Variants in MGMT observed in about 807,000 individuals in gnomAD.
MGMT encodes O-6-methylguanine-DNA methyltransferase.
In MGMT, 14 loss-of-function variants were observed where a neutral mutation model predicts 15.9. The observed-to-expected ratio is 0.88, with a 90% confidence interval of 0.58 to 1.37. The LOEUF (loss-of-function observed/expected upper bound fraction) is 1.37, where lower values mean the gene tolerates loss of function less well. Ranked by LOEUF, MGMT falls within the 40% of genes most tolerant of loss-of-function variation. MGMT has a pLI of 0.00. For synonymous variants in MGMT, 130 were observed against 118.2 expected, an observed-to-expected ratio of 1.10 and a Z score of -0.65; for missense variants, 282 against 268.1, an observed-to-expected ratio of 1.05 and a Z score of -0.36.
intron 3 of MGMT, among the ~76,000 whole-genome samples, chr10:129,747,938 G>C (rs965180858): frequency 2.6e-5 from 4 of 152,164 alleles, no homozygotes; most frequent in Non-Finnish European, 2.9e-5. Flanking sequence ...AAACCACATA[G>C]GTAAGCTGTC....
intron 2 of MGMT, among the ~76,000 whole-genome samples, chr10:129,593,829 C>T (rs141562317): frequency 8.5e-5 from 13 of 152,292 alleles, no homozygotes; most frequent in South Asian, 6.2e-4. Context: ...GGCAGTGAGG[C>T]GAACAGTGCT....
At chr10:129,732,994 T>A (rs2133164299) in intron 3 of MGMT, among the ~76,000 whole-genome samples, 1 of 151,946 alleles carries the variant, frequency 6.6e-6, no homozygotes, top group African/African-American at 2.4e-5. Context: ...TCTTTGCTAT[T>A]GTAAATAATG....
intron 2 of MGMT, among the ~76,000 whole-genome samples, chr10:129,654,019 C>T (rs536192883): frequency 4.6e-5 from 7 of 152,238 alleles, no homozygotes; most frequent in African/African-American, 1.4e-4. Flanking sequence ...GACAAGACTG[C>T]GGCCTGTGCT....
intron 1 of MGMT, among the ~76,000 whole-genome samples, chr10:129,513,783 A>C (rs1845709293): frequency 6.6e-6 from 1 of 152,182 alleles, no homozygotes; most frequent in South Asian, 2.1e-4. Flanking sequence ...AGGATGTTGG[A>C]GCGTCTTTTC....
chr10:129,573,579 A>G (rs560525443), intron 2 of MGMT, among the ~76,000 whole-genome samples: 1 of 152,078 alleles, frequency 6.6e-6, no homozygotes, highest in African/African-American at 2.4e-5. Context: ...GTTGTTTTTC[A>G]TATTTTCATC....
chr10:129,699,429 G>C (rs1156605707), intron 2 of MGMT, among the ~76,000 whole-genome samples: 2 of 152,094 alleles, frequency 1.3e-5, no homozygotes, highest in Non-Finnish European at 2.9e-5. Context: ...TTGAGCCCCA[G>C]ATATTGAGGG....
At chr10:129,554,217 G>T (rs535020791) in intron 2 of MGMT, among the ~76,000 whole-genome samples, 1 of 152,220 alleles carries the variant, frequency 6.6e-6, no homozygotes, top group Non-Finnish European at 1.5e-5. Context: ...AGGTGATGAC[G>T]GGTCATACGC....
chr10:129,547,335 A>G (rs1846108158), intron 2 of MGMT, among the ~76,000 whole-genome samples: 3 of 152,068 alleles, frequency 2.0e-5, no homozygotes, highest in Admixed American at 1.3e-4. Flanking sequence ...CCCTCTGTCC[A>G]TACACATCGG....
intron 2 of MGMT, among the ~76,000 whole-genome samples, chr10:129,706,578 G>A (rs1848165306): frequency 6.6e-6 from 1 of 152,170 alleles, no homozygotes; most frequent in African/African-American, 2.4e-5. Flanking sequence ...CGTGCTCCAA[G>A]CCTGGGAAGT....
chr10:129,753,186 G>A (rs981213345), intron 3 of MGMT, among the ~76,000 whole-genome samples: 5 of 152,146 alleles, frequency 3.3e-5, no homozygotes, highest in South Asian at 2.1e-4. Context: ...TTTCTGATGA[G>A]AATTCCACAT....
At chr10:129,697,682 C>T (rs560248306) in intron 2 of MGMT, among the ~76,000 whole-genome samples, 1 of 152,132 alleles carries the variant, frequency 6.6e-6, no homozygotes, top group Non-Finnish European at 1.5e-5. Flanking sequence ...GTTCATGTAC[C>T]CCTGCCCAAG....
chr10:129,561,961 C>G (rs1846285393), intron 2 of MGMT, among the ~76,000 whole-genome samples: 1 of 152,148 alleles, frequency 6.6e-6, no homozygotes, highest in South Asian at 2.1e-4. Context: ...TTGTAATGAG[C>G]TGTATAATAT....
Position 129,630,830 on chromosome 10 carries a change from C to T in MGMT, c.126-77065C>T, listed in dbSNP as rs530850637. Among the ~76,000 whole-genome samples, 185 of 152,338 alleles carry T rather than the reference C, an allele frequency of 1.2e-3. 1 individual carries two copies. The highest frequency in any genetic ancestry group is 4.3e-3 in the African/African-American group (177 of 41,580). On this transcript the variant is annotated intron_variant, in intron 2 of 4. Coordinates refer to ENST00000651593, the MANE Select transcript of MGMT (RefSeq NM_002412.5). ...TTTGTGAATTATTTCATTGCACTAA[C>T]GTGCTCCTACTGAAAAACATGGCCA...
At position 129,570,366 on chromosome 10, in the gene MGMT, A is replaced by T. The variant is rs1332517468; in HGVS notation, c.125+33989A>T. 2.0e-5 allele frequency among the ~76,000 whole-genome samples: 3 copies of T among 152,268 alleles called. No individual in the cohort carries two copies. The East Asian group carries it at 5.8e-4, about 29-fold the overall frequency. On this transcript the variant is annotated intron_variant, in intron 2 of 4. Coordinates refer to ENST00000651593, the MANE Select transcript of MGMT (RefSeq NM_002412.5). ...ACAGGTCACGAGTCCAGTGACGCTG[A>T]TTGAGGTGTGTCACCAAATATGCTG...
chr10:129,537,620 C>G (rs1846000511), intron 2 of MGMT, among the ~76,000 whole-genome samples: 1 of 151,532 alleles, frequency 6.6e-6, no homozygotes, highest in Non-Finnish European at 1.5e-5. Context: ...AAAAGGAAAA[C>G]AAAACAAAAC....
intron 4 of MGMT, among the ~76,000 whole-genome samples, chr10:129,761,133 T>A (rs1305890528): frequency 1.3e-5 from 2 of 152,130 alleles, no homozygotes; most frequent in African/African-American, 2.4e-5. Context: ...CAGATGCTGT[T>A]GTGTTGTGGC....
chr10:129,561,922 CAG>C (rs1846283720), intron 2 of MGMT, among the ~76,000 whole-genome samples: 1 of 152,102 alleles, frequency 6.6e-6, no homozygotes, highest in African/African-American at 2.4e-5. Context: ...TCGTTGACTC[CAG>C]AGTCATTGTC....
intron 2 of MGMT, among the ~76,000 whole-genome samples, chr10:129,589,658 T>C (rs1846659026): frequency 6.6e-6 from 1 of 152,210 alleles, no homozygotes; most frequent in African/African-American, 2.4e-5. Flanking sequence ...AGTGACCCCC[T>C]ATGGCCTGCG....
At position 129,511,160 on chromosome 10, in the gene MGMT, C is replaced by T. The variant is rs545536003; in HGVS notation, c.-12-25081C>T. Among the ~76,000 whole-genome samples, 31 of 143,388 alleles carry T rather than the reference C, an allele frequency of 2.2e-4. 1 individual carries two copies. The highest frequency in any genetic ancestry group is 1.8e-3 in the Admixed American group (25 of 14,150). 94.1% of individuals were successfully genotyped at this position (143,388 alleles called of 152,430 possible). A position where few individuals can be genotyped will look rare whatever the true frequency, so the allele number is the denominator to read the frequency against. On this transcript the variant is annotated intron_variant, in intron 1 of 4. Transcript: ENST00000651593. ...GCACGTGCTTCATGTGATGGGAACC[C>T]GGTATATTAGATGCAGGCACGTGCT...
Sources: allele counts gnomAD v4.1 joint callset (sites outside exome capture counted in the v4.1 genomes callset), GRCh38; gene constraint gnomAD v4.1.1; transcripts MANE v1.5; gene names NCBI Gene and HGNC (gene_info 2026-07-23, HGNC 2026-07-21).